The following TSTD2 variants were observed in gnomAD, a reference collection of about 807,000 sequenced individuals.
TSTD2 encodes the protein thiosulfate sulfurtransferase like domain containing 2, also known as thiosulfate sulfurtransferase/rhodanese-like domain-containing protein 2.
In TSTD2, 37 loss-of-function variants were observed where a neutral mutation model predicts 47.9. The observed-to-expected ratio is 0.77, with a 90% CI of 0.59 to 1.02. The LOEUF (loss-of-function observed/expected upper bound fraction) is 1.02. Among genes scored for constraint, TSTD2 ranks in the 50% least tolerant of loss-of-function variants. The pLI is 0.00. For synonymous variants in TSTD2, 201 were observed against 215.9 expected, an observed-to-expected ratio of 0.93 and a Z score of 0.61; for missense variants, 586 against 616.0, an observed-to-expected ratio of 0.95 and a Z score of 0.52.
intron 3 of TSTD2, among the ~76,000 whole-genome samples, chr9:97,622,512 T>C (rs61152667): frequency 0.024 from 3,696 of 152,302 alleles, 133 homozygotes; most frequent in East Asian, 0.13. Flanking sequence ...ACTGAGGCAC[T>C]GCCTAGTGGA....
chr9:97,606,736 C>A (rs559349075), intron 6 of TSTD2, among the ~76,000 whole-genome samples: 1 of 152,172 alleles, frequency 6.6e-6, no homozygotes, highest in East Asian at 1.9e-4. Flanking sequence ...GTCGAACCCA[C>A]GTTGAAGGCT....
In TSTD2 at chr9:97,626,016, T is replaced by C; in HGVS notation, c.166-19A>G. On this transcript the variant is annotated intron_variant, in intron 2 of 9. Coordinates refer to ENST00000341170, the MANE Select transcript of TSTD2 (RefSeq NM_139246.5). ...CAAAGGCCTGCAATTAGATTTCAAATGCTAACACTGTTAAATAACCTTAGG... is the reference window on the plus strand; with the variant it reads ...CAAAGGCCTGCAATTAGATTTCAAACGCTAACACTGTTAAATAACCTTAGG... 2 of 1,588,386 alleles carry C rather than the reference T, an allele frequency of 1.3e-6. No individual in the cohort carries two copies. The highest frequency in any genetic ancestry group is 1.7e-6 in the Non-Finnish European group (2 of 1,169,780).
intron 1 of TSTD2, 108 bp from the exon 2 acceptor site, chr9:97,627,720 A>C (rs1826744722): frequency 1.5e-6 from 1 of 651,522 alleles, no homozygotes. Flanking sequence ...GCCCAAGCTA[A>C]CCATCCATTT....
intron 1 of TSTD2, among the ~76,000 whole-genome samples, chr9:97,630,981 T>A (rs992468742): frequency 6.6e-6 from 1 of 152,354 alleles, no homozygotes; most frequent in East Asian, 1.9e-4. Context: ...CAAATACAAC[T>A]GTTCAAAACC....
intron 8 of TSTD2, 88 bp from the exon 9 acceptor site, chr9:97,604,953 C>G: frequency 2.6e-6 from 4 of 1,551,554 alleles, no homozygotes; most frequent in Non-Finnish European, 3.5e-6. Flanking sequence ...GCGAGGAGTG[C>G]TGACGTAGAG....
intron 2 of TSTD2, among the ~76,000 whole-genome samples, chr9:97,627,067 T>C (rs1826734355): frequency 6.6e-6 from 1 of 152,244 alleles, no homozygotes; most frequent in South Asian, 2.1e-4. Context: ...TACGTGTTTT[T>C]AGTGATCTTT....
chr9:97,610,760 T>G, intron 5 of TSTD2: 1 of 187,134 alleles, frequency 5.3e-6, no homozygotes. Flanking sequence ...TTCCTATCAT[T>G]GCCAGCATGA....
At position 97,602,288 on chromosome 9, in the gene TSTD2, G is replaced by A; in HGVS notation, c.*181C>T. ...CATCATCCAAATCAGAATGTCTCAG[G>A]TAAGTGGTAGACAACGTGACTCCTC... On this transcript the variant is annotated 3_prime_UTR_variant, in exon 10 of 10. Coordinates refer to ENST00000341170, the MANE Select transcript of TSTD2 (RefSeq NM_139246.5). 3.0e-6 allele frequency: 2 copies of A among 667,720 alleles called. No homozygotes were observed. Among genetic ancestry groups the A allele is most frequent in the East Asian group, 2.8e-5 (1 of 35,604 alleles). 41.4% of individuals were successfully genotyped at this position (667,720 alleles called of 1,614,324 possible).
At chr9:97,620,376 A>AATTG (rs1417582109) in intron 3 of TSTD2, among the ~76,000 whole-genome samples, 1 of 152,082 alleles carries the variant, frequency 6.6e-6, no homozygotes, top group Non-Finnish European at 1.5e-5. Context: ...TTCTTTTGTA[A>AATTG]ATTGCCCAGT....
intron 3 of TSTD2, among the ~76,000 whole-genome samples, chr9:97,623,602 G>A (rs1373230362): frequency 6.6e-6 from 1 of 152,222 alleles, no homozygotes; most frequent in Non-Finnish European, 1.5e-5. Context: ...GCTCACACCT[G>A]TAATCCCAGC....
At chr9:97,623,035 T>A (rs777253539) in intron 3 of TSTD2, among the ~76,000 whole-genome samples, 4 of 152,190 alleles carry the variant, frequency 2.6e-5, no homozygotes, top group Admixed American at 6.5e-5. Context: ...AAGGACATGA[T>A]ATTTGGGAGG....
chr9:97,623,368 T>C (rs1347471655), intron 3 of TSTD2, among the ~76,000 whole-genome samples: 1 of 152,212 alleles, frequency 6.6e-6, no homozygotes, highest in Non-Finnish European at 1.5e-5. Flanking sequence ...ACCTCTTTCT[T>C]TTGTAAATTG....
intron 1 of TSTD2, among the ~76,000 whole-genome samples, chr9:97,630,031 A>G (rs1264894866): frequency 6.6e-6 from 1 of 152,136 alleles, no homozygotes; most frequent in Non-Finnish European, 1.5e-5. Context: ...TATGTATATG[A>G]AGACTGAACT....
chr9:97,602,532 C>T lies in TSTD2; in HGVS notation c.1488G>A (p.Val496=), dbSNP rs747893715. 16 of 1,614,130 alleles carry T rather than the reference C, an allele frequency of 9.9e-6. No homozygotes were observed. Among genetic ancestry groups the T allele is most frequent in the Non-Finnish European group, 1.3e-5 (15 of 1,179,960 alleles). The change falls in exon 10 of 10, where the codon GTG becomes GTA. Residue 496 remains valine (V), a synonymous_variant. Coordinates refer to ENST00000341170, the MANE Select transcript of TSTD2 (RefSeq NM_139246.5). Reference sequence around the variant, plus strand: ...CTGGCTCTGGGCTCACAGGCTGTCGCACATGCTGCAAGAGTTCCCTAGGTA... The same window carrying T: ...CTGGCTCTGGGCTCACAGGCTGTCGTACATGCTGCAAGAGTTCCCTAGGTA... ...PRIPRELLQH[V]RQPVSPEPGP...
In TSTD2 at chr9:97,602,161, C is replaced by G. The variant is rs1388870197; in HGVS notation, c.*308G>C. 1.7e-5 allele frequency: 5 copies of G among 290,832 alleles called. No homozygotes were observed. The highest frequency in any genetic ancestry group is 2.5e-5 in the Non-Finnish European group (4 of 158,312). The allele number at this position is 290,832 out of a possible 1,614,324, so 18.0% of individuals were successfully genotyped here. ...GGGCAATGACTACTAACAGCCCCAG[C>G]TGCATGGAACAGAAAGGGCATATGC... On this transcript the variant is annotated 3_prime_UTR_variant, in exon 10 of 10. Coordinates refer to ENST00000341170, the MANE Select transcript of TSTD2 (RefSeq NM_139246.5).
At chr9:97,611,368 G>A (rs1826455680) in intron 5 of TSTD2, among the ~76,000 whole-genome samples, 1 of 151,798 alleles carries the variant, frequency 6.6e-6, no homozygotes, top group South Asian at 2.1e-4. Flanking sequence ...AGTGAGCCAT[G>A]ATCACGCCAC....
intron 6 of TSTD2, among the ~76,000 whole-genome samples, chr9:97,609,765 G>T (rs1826426168): frequency 6.6e-6 from 1 of 152,210 alleles, no homozygotes; most frequent in African/African-American, 2.4e-5. Context: ...AAGGGATGGG[G>T]TATAGGTGAG....
chr9:97,631,787 C>T (rs1033056231), intron 1 of TSTD2, among the ~76,000 whole-genome samples: 3 of 151,926 alleles, frequency 2.0e-5, no homozygotes, highest in Non-Finnish European at 4.4e-5. Context: ...GAGGTTACAA[C>T]GAGCCAAGAC....
Position 97,602,184 on chromosome 9 carries a change from T to A in TSTD2, c.*285A>T. 5.1e-6 allele frequency: 2 copies of A among 392,266 alleles called. No individual in the cohort carries two copies. The highest frequency in any genetic ancestry group is 9.1e-6 in the Non-Finnish European group (2 of 219,680). 24.3% of individuals were successfully genotyped at this position (392,266 alleles called of 1,614,324 possible). ...AGCTGCATGGAACAGAAAGGGCATA[T>A]GCTGTGGCCACCAGGCTCAGGCTCT... On this transcript the variant is annotated 3_prime_UTR_variant, in exon 10 of 10. Coordinates refer to ENST00000341170, the MANE Select transcript of TSTD2 (RefSeq NM_139246.5).
Sources: allele counts gnomAD v4.1 joint callset (sites outside exome capture counted in the v4.1 genomes callset), GRCh38; gene constraint gnomAD v4.1.1; transcripts MANE v1.5; gene names NCBI Gene and HGNC (gene_info 2026-07-23, HGNC 2026-07-21).